Variants in FOXP1 observed in about 807,000 individuals in gnomAD.
FOXP1 encodes forkhead box protein P1.
A neutral mutation model predicts 98.2 loss-of-function variants in FOXP1; 15 were observed. That is an observed-to-expected ratio of 0.15 (90% CI 0.10 to 0.24). The LOEUF (loss-of-function observed/expected upper bound fraction) is 0.24, where lower values mean the gene tolerates loss of function less well. Ranked by LOEUF, FOXP1 falls within the 10% of genes least tolerant of loss-of-function variation. The probability of loss-of-function intolerance (pLI) is 1.00; values close to 1 mark genes in which losing one functional copy is unlikely to be tolerated. For missense variants in FOXP1, 633 were observed against 848.5 expected, an observed-to-expected ratio of 0.75 and a Z score of 3.15; for synonymous variants, 371 against 314.5, an observed-to-expected ratio of 1.18 and a Z score of -1.90.
chr3:71,055,857 A>C (rs2050560147), intron 7 of FOXP1, among the ~76,000 whole-genome samples: 1 of 152,224 alleles, frequency 6.6e-6, no homozygotes, highest in South Asian at 2.1e-4. Context: ...ATGATGTACA[A>C]TATAAATATT....
chr3:71,458,911 T>C (rs1470490865), intron 3 of FOXP1, among the ~76,000 whole-genome samples: 9 of 152,348 alleles, frequency 5.9e-5, no homozygotes, highest in Admixed American at 3.3e-4. Context: ...TCCATTCCAA[T>C]AGGAAATATT....
rs981498381 is a variant in FOXP1, at chr3:70,970,971, G to GGT, written c.1653-168_1653-167dup. On this transcript the variant is annotated intron_variant, in intron 18 of 20. Transcript: ENST00000649528. ...CTCCCCGTCACTGATTTGCAGGGCG[G>GGT]GTGTGTGTGCACACCTCTGGGGTTG... 7.4e-5 allele frequency: 49 copies of GGT among 663,680 alleles called. No homozygotes were observed. The African/African-American group carries it at 8.7e-4, about 12-fold the overall frequency. 41.1% of individuals were successfully genotyped at this position (663,680 alleles called of 1,614,324 possible). A position where few individuals can be genotyped will look rare whatever the true frequency, so the allele number is the denominator to read the frequency against.
chr3:71,267,417 G>C (rs2069804021), intron 5 of FOXP1, among the ~76,000 whole-genome samples: 1 of 152,156 alleles, frequency 6.6e-6, no homozygotes, highest in Non-Finnish European at 1.5e-5. Context: ...ATCCAAGAGA[G>C]GTCATGGAAA....
intron 11 of FOXP1, among the ~76,000 whole-genome samples, chr3:71,032,034 T>C (rs925592642): frequency 6.6e-6 from 1 of 152,058 alleles, no homozygotes; most frequent in Non-Finnish European, 1.5e-5. Context: ...TACATGTGAG[T>C]GTGTGTGCGT....
At chr3:71,433,079 C>T (rs1392030799) in intron 3 of FOXP1, among the ~76,000 whole-genome samples, 12 of 151,968 alleles carry the variant, frequency 7.9e-5, no homozygotes, top group Admixed American at 7.9e-4. Flanking sequence ...TCCTTTTACC[C>T]TCTTCTCAGC....
intron 3 of FOXP1, among the ~76,000 whole-genome samples, chr3:71,386,259 T>C (rs182625044): frequency 3.3e-5 from 5 of 152,356 alleles, no homozygotes; most frequent in Admixed American, 2.6e-4. Context: ...AGCACAGTTC[T>C]GACCAGAGAC....
intron 5 of FOXP1, among the ~76,000 whole-genome samples, chr3:71,235,347 A>G (rs549389874): frequency 6.6e-6 from 1 of 152,224 alleles, no homozygotes; most frequent in Non-Finnish European, 1.5e-5. Context: ...AACACCGATT[A>G]CGAAACCTCT....
At chr3:70,968,754 C>T (rs934524555) in intron 19 of FOXP1, 12 of 152,100 alleles carry the variant, frequency 7.9e-5, no homozygotes, top group African/African-American at 2.9e-4. Flanking sequence ...TATTGTTCCA[C>T]TATTATTTTT....
intron 3 of FOXP1, among the ~76,000 whole-genome samples, chr3:71,447,218 T>A (rs2086529870): frequency 6.6e-6 from 1 of 152,136 alleles, no homozygotes; most frequent in Admixed American, 6.5e-5. Context: ...CCTGAATACC[T>A]CTGTCTACAC....
In FOXP1 at chr3:70,958,305, G is replaced by C. The variant is rs867069977; in HGVS notation, c.*942C>G. The C allele has an allele frequency of 3.7e-6, 2 of 534,344 alleles. No individual in the cohort carries two copies. The highest frequency in any genetic ancestry group is 1.5e-5 in the South Asian group (1 of 65,198). 33.1% of individuals were successfully genotyped at this position (534,344 alleles called of 1,614,324 possible). ...TGAATCGGCATTGTTCCTAGAGTTT[G>C]TCTCTCTTTTTTTTTTCTGTCATTC... On this transcript the variant is annotated 3_prime_UTR_variant, in exon 21 of 21. Transcript: ENST00000649528.
intron 4 of FOXP1, among the ~76,000 whole-genome samples, chr3:71,323,708 TA>T (rs1217315939): frequency 6.6e-6 from 1 of 152,204 alleles, no homozygotes; most frequent in Non-Finnish European, 1.5e-5. Context: ...GGACACAGAA[TA>T]GTTTTCACGA....
chr3:70,970,690 G>C (rs764595043), intron 19 of FOXP1, 46 bp downstream of exon 19: 9 of 1,373,438 alleles, frequency 6.6e-6, no homozygotes. Flanking sequence ...ATGAGTAGGG[G>C]AGACCTGTGC....
intron 2 of FOXP1, among the ~76,000 whole-genome samples, chr3:71,526,967 C>CAA (rs34141810): frequency 3.1e-4 from 19 of 62,252 alleles, no homozygotes; most frequent in South Asian, 1.1e-3. Context: ...AACTCCAACT[C>CAA]AAAAAAAAAA....
chr3:71,308,570 C>A lies in FOXP1; in HGVS notation c.-72-8690G>T, dbSNP rs537421962. 3.0e-3 allele frequency among the ~76,000 whole-genome samples: 452 copies of A among 152,202 alleles called. 2 individuals are homozygous for A. Among genetic ancestry groups the A allele is most frequent in the African/African-American group, 0.01 (430 of 41,528 alleles). ...TCAATAAGGTTAGGACTGTAAGTTT[C>A]CTGTTTTCTCATCAGGGACTGCAGG... is the stretch of plus-strand genomic sequence containing the variant. On this transcript the variant is annotated intron_variant, in intron 4 of 20. Transcript: ENST00000649528.
chr3:71,278,114 G>A (rs181957966), intron 5 of FOXP1, among the ~76,000 whole-genome samples: 16 of 152,202 alleles, frequency 1.1e-4, no homozygotes, highest in African/African-American at 3.6e-4. Flanking sequence ...TGTGCCTGCG[G>A]GAAACAGTAG....
intron 6 of FOXP1, among the ~76,000 whole-genome samples, chr3:71,141,400 T>G (rs1051012580): frequency 6.6e-6 from 1 of 152,068 alleles, no homozygotes; most frequent in Non-Finnish European, 1.5e-5. Flanking sequence ...CTTCTTTGGC[T>G]CTACCATTTG....
chr3:71,117,472 C>T (rs910870863), intron 6 of FOXP1, among the ~76,000 whole-genome samples: 3 of 151,826 alleles, frequency 2.0e-5, no homozygotes, highest in African/African-American at 7.3e-5. Flanking sequence ...GAGAAAAGTC[C>T]CTTAGGATAC....
intron 4 of FOXP1, among the ~76,000 whole-genome samples, chr3:71,327,815 C>T (rs1560312486): frequency 6.6e-6 from 1 of 152,118 alleles, no homozygotes. Context: ...CAAAGTATCT[C>T]TAATCTAACT....
At chr3:71,341,954 G>T (rs1560337147) in intron 4 of FOXP1, among the ~76,000 whole-genome samples, 1 of 152,200 alleles carries the variant, frequency 6.6e-6, no homozygotes, top group Non-Finnish European at 1.5e-5. Context: ...TTTCCTAAGT[G>T]AGGAAACTGA....
Sources: allele counts gnomAD v4.1 joint callset (sites outside exome capture counted in the v4.1 genomes callset), GRCh38; gene constraint gnomAD v4.1.1; transcripts MANE v1.5; gene names NCBI Gene and HGNC (gene_info 2026-07-23, HGNC 2026-07-21).